Variants in WNK1 observed in about 807,000 individuals in gnomAD.
The protein encoded by WNK1 is WNK lysine deficient protein kinase 1.
In WNK1, 38 loss-of-function variants were observed where a neutral mutation model predicts 222.8. That is an observed-to-expected ratio of 0.17 (90% CI 0.13 to 0.22). The LOEUF is 0.22. Ranked by LOEUF, WNK1 falls within the 10% of genes least tolerant of loss-of-function variation. The probability of loss-of-function intolerance (pLI) is 1.00; values close to 1 mark genes in which losing one functional copy is unlikely to be tolerated. For synonymous variants in WNK1, 1,090 were observed against 1,092.9 expected, an observed-to-expected ratio of 1.00 and a Z score of 0.05; for missense variants, 2,348 against 2,918.4, an observed-to-expected ratio of 0.80 and a Z score of 4.50.
intron 4 of WNK1, among the ~76,000 whole-genome samples, chr12:847,140 T>C (rs1469775746): frequency 6.6e-6 from 1 of 152,178 alleles, no homozygotes; most frequent in Non-Finnish European, 1.5e-5. Context: ...TAATAATTAT[T>C]AAATCATTAT....
At chr12:782,416 A>C (rs935022537) in intron 1 of WNK1, among the ~76,000 whole-genome samples, 6 of 152,320 alleles carry the variant, frequency 3.9e-5, no homozygotes, top group Middle Eastern at 3.4e-3. Context: ...TGATAGAATA[A>C]TGTTTCCAAA....
chr12:851,574 A>C, intron 4 of WNK1: 3 of 1,196,028 alleles, frequency 2.5e-6, no homozygotes, highest in Non-Finnish European at 3.2e-6. Flanking sequence ...AGTGTTAAAC[A>C]AGAAACTGTG....
chr12:797,966 A>G (rs2153987408), intron 1 of WNK1, among the ~76,000 whole-genome samples: 1 of 137,584 alleles, frequency 7.3e-6, no homozygotes, highest in South Asian at 2.4e-4. Flanking sequence ...AAAAAAAAAA[A>G]TCACTGTCTA....
intron 4 of WNK1, among the ~76,000 whole-genome samples, chr12:836,461 G>C (rs1434392586): frequency 6.6e-6 from 1 of 152,210 alleles, no homozygotes; most frequent in Non-Finnish European, 1.5e-5. Flanking sequence ...TATCTCAATA[G>C]ATTCTTGATG....
Position 754,296 on chromosome 12 carries a change from C to T in WNK1, c.731C>T (p.Thr244Ile). 1 of 1,613,548 alleles carries T rather than the reference C, an allele frequency of 6.2e-7. No individual in the cohort carries two copies. Among genetic ancestry groups the T allele is most frequent in the Non-Finnish European group, 8.5e-7 (1 of 1,180,040 alleles). ...TACAAAGGTCTGGACACTGAAACCA[C>T]CGTGGAAGTCGCCTGGTGTGAACTG... ...TVYKGLDTET[T>I]VEVAWCELQD... is the part of the protein sequence containing the mutation. Residue 244 changes from threonine to isoleucine, a missense_variant, in exon 1 of 28, where the codon ACC becomes ATC. Around this residue, in one of 13 missense-constraint regions of WNK1, gnomAD observed 57 missense variants for 219.0 expected, o/e 0.26. Transcript: ENST00000315939.
In WNK1 at chr12:753,636, C is replaced by A; in HGVS notation, c.71C>A (p.Ala24Asp). The A allele has an allele frequency of 1.9e-6, 3 of 1,612,744 alleles. No individual in the cohort carries two copies. Among genetic ancestry groups the A allele is most frequent in the Non-Finnish European group, 2.5e-6 (3 of 1,179,914 alleles). Residue 24 changes from alanine (A) to aspartate (D), a missense_variant, in exon 1 of 28, where the codon GCC (alanine) becomes GAC (aspartate). Ala to Asp is a moderately radical substitution (Grantham distance 126). This residue lies in a region of WNK1 where 108 missense variants were observed against 109.7 expected (regional missense o/e 0.98). Transcript: ENST00000315939. The surrounding 1 kb of genome is among the most constrained non-coding windows in gnomAD (Gnocchi z 5.2). ...GSLFLSPPAPAPKNGSSSDSS... is the reference protein window; with the variant it reads ...GSLFLSPPAPDPKNGSSSDSS... ...CTGTTCCTCTCGCCGCCGGCTCCTG[C>A]CCCCAAGAATGGCTCCAGCTCCGAT...
chr12:899,383 C>G (rs1258241157), intron 25 of WNK1, among the ~76,000 whole-genome samples: 1 of 151,912 alleles, frequency 6.6e-6, no homozygotes, highest in Non-Finnish European at 1.5e-5. Context: ...ATTCTCATGC[C>G]CCAGCCTCCC....
chr12:806,194 A>G (rs535433578), intron 1 of WNK1, among the ~76,000 whole-genome samples: 4 of 152,322 alleles, frequency 2.6e-5, no homozygotes, highest in Admixed American at 2.6e-4. Context: ...TGGTGTTTTC[A>G]TTTTACAGGC....
At chr12:832,273 C>A (rs905091320) in intron 4 of WNK1, among the ~76,000 whole-genome samples, 3 of 152,086 alleles carry the variant, frequency 2.0e-5, no homozygotes, top group African/African-American at 7.2e-5. Flanking sequence ...GATGGGGTTT[C>A]ACTGTGTTAG....
Position 884,341 on chromosome 12 carries a change from T to C in WNK1, c.3844+98T>C, listed in dbSNP as rs951457016. 2.6e-6 allele frequency: 4 copies of C among 1,552,124 alleles called. No individual in the cohort carries two copies. The highest frequency in any genetic ancestry group is 3.5e-6 in the Non-Finnish European group (4 of 1,129,816). On this transcript the variant is annotated intron_variant, in intron 18 of 27. Coordinates refer to ENST00000315939, the MANE Select transcript of WNK1 (RefSeq NM_018979.4). This position sits in a 1 kb window ranked among gnomAD's most constrained non-coding sequence, Gnocchi z 5.6. ...AAGCAGTAATTTATGATGACACAGA[T>C]AATAAAAAAGAATAGAAAACTGAAG...
In WNK1 at chr12:884,713, A is replaced by G. The variant is rs761770100; in HGVS notation, c.3909A>G (p.Leu1303=). Residue 1303 remains leucine, a synonymous_variant, in exon 19 of 28, where the codon CTA becomes CTG. Coordinates refer to ENST00000315939, the MANE Select transcript of WNK1 (RefSeq NM_018979.4). The surrounding 1 kb of genome is among the most constrained non-coding windows in gnomAD (Gnocchi z 5.6). ...NLSHSASSLS[L]QQAFSELRRA... is the part of the protein sequence containing the mutation. ...CTCACTCTGCATCATCCCTTAGTCT[A>G]CAACAGGCCTTTTCTGAACTTAGAC... 1.9e-6 allele frequency: 3 copies of G among 1,614,032 alleles called. No individual in the cohort carries two copies. The highest frequency in any genetic ancestry group is 2.7e-5 in the African/African-American group (2 of 74,900).
intron 1 of WNK1, among the ~76,000 whole-genome samples, chr12:786,709 C>A (rs914502085): frequency 3.0e-4 from 45 of 152,284 alleles, no homozygotes; most frequent in African/African-American, 9.6e-4. Context: ...TCAGGTGATC[C>A]ACCCACCTTG....
intron 20 of WNK1, 72 bp from the exon 21 acceptor site, chr12:889,068 A>G: frequency 8.9e-7 from 1 of 1,129,668 alleles, no homozygotes; most frequent in East Asian, 2.3e-5. Flanking sequence ...AGTGTGTCCT[A>G]TCTAAATTGG....
At chr12:768,427 T>G (rs1437066903) in intron 1 of WNK1, among the ~76,000 whole-genome samples, 2 of 152,052 alleles carry the variant, frequency 1.3e-5, no homozygotes, top group African/African-American at 4.8e-5. Context: ...TGAGCTACCA[T>G]GCCCGGCCTG....
At chr12:865,161 CCT>C in intron 8 of WNK1, 1 of 1,529,722 alleles carries the variant, frequency 6.5e-7, no homozygotes, top group Non-Finnish European at 8.7e-7. Context: ...TCTGCTGTTG[CCT>C]CTGTGTCCCG....
chr12:837,731 A>C (rs930215066), intron 4 of WNK1, among the ~76,000 whole-genome samples: 1 of 152,128 alleles, frequency 6.6e-6, no homozygotes, highest in Non-Finnish European at 1.5e-5. Context: ...CACAGACTCA[A>C]ATTAGAAGTA....
At chr12:757,190 A>G (rs1940182276) in intron 1 of WNK1, among the ~76,000 whole-genome samples, 1 of 151,906 alleles carries the variant, frequency 6.6e-6, no homozygotes, top group African/African-American at 2.4e-5. Context: ...CTTCAAATTG[A>G]GATATAAATA....
intron 22 of WNK1, among the ~76,000 whole-genome samples, chr12:892,653 C>T (rs11832907): frequency 0.3 from 45,618 of 151,978 alleles, 7,416 homozygotes; most frequent in African/African-American, 0.43. Context: ...TTTGCTAATA[C>T]AAAGAGTTCC....
intron 22 of WNK1, among the ~76,000 whole-genome samples, chr12:891,774 C>CA (rs1447112013): frequency 6.6e-6 from 1 of 151,540 alleles, no homozygotes; most frequent in Admixed American, 6.6e-5. Flanking sequence ...TCACTATAGA[C>CA]AAAAATTTAG....
Sources: gnomAD v4.1 joint callset for allele counts (sites outside exome capture counted in the v4.1 genomes callset) on GRCh38, gnomAD v4.1.1 for gene constraint, gnomAD v4.1.1 regional missense constraint, Gnocchi (gnomAD v3.1) non-coding constraint, MANE v1.5 for transcripts, NCBI Gene and HGNC (gene_info 2026-07-23, HGNC 2026-07-21) for gene names.